The following MSI2 variants were observed in gnomAD, a reference collection of about 807,000 sequenced individuals.
MSI2 encodes the protein RNA-binding protein Musashi homolog 2.
In MSI2, 17 loss-of-function variants were observed where a neutral mutation model predicts 45.6. The observed-to-expected ratio is 0.37, with a 90% CI of 0.26 to 0.56. The LOEUF (loss-of-function observed/expected upper bound fraction) is 0.56. MSI2 is among the 20% of genes least tolerant of loss of function. MSI2 has a pLI of 0.77. For synonymous variants in MSI2, 156 were observed against 158.2 expected, an observed-to-expected ratio of 0.99 and a Z score of 0.11; for missense variants, 293 against 444.2, an observed-to-expected ratio of 0.66 and a Z score of 3.06.
At chr17:57,622,977 G>A (rs1313897290) in intron 9 of MSI2, among the ~76,000 whole-genome samples, 1 of 152,176 alleles carries the variant, frequency 6.6e-6, no homozygotes, top group Non-Finnish European at 1.5e-5. Context: ...GCCTGTGCAC[G>A]GTAGCTGCTG....
At chr17:57,699,184 T>A in the MSI2 span, among the ~76,000 whole-genome samples, 275 of 71,388 alleles carry the variant, frequency 3.9e-3, 2 homozygotes, top group East Asian at 0.02. Flanking sequence ...AGAGAGAGAG[T>A]GTGTGTGTGT....
At chr17:57,619,584 C>T (rs1033463020) in intron 9 of MSI2, among the ~76,000 whole-genome samples, 2 of 152,300 alleles carry the variant, frequency 1.3e-5, no homozygotes, top group African/African-American at 2.4e-5. Context: ...TGAGAGCCAA[C>T]GAGCCTGGCC....
At chr17:57,487,084 C>G (rs2085769014) in intron 6 of MSI2, among the ~76,000 whole-genome samples, 1 of 152,150 alleles carries the variant, frequency 6.6e-6, no homozygotes, top group Non-Finnish European at 1.5e-5. Context: ...CAGAGGCAGG[C>G]AATATGGCCC....
At chr17:57,302,566 A>T (rs1911501560) in intron 5 of MSI2, among the ~76,000 whole-genome samples, 1 of 152,188 alleles carries the variant, frequency 6.6e-6, no homozygotes, top group Non-Finnish European at 1.5e-5. Context: ...CACTTATTAA[A>T]TGACACAAAT....
At chr17:57,553,154 C>T (rs2087345401) in intron 7 of MSI2, among the ~76,000 whole-genome samples, 1 of 116,120 alleles carries the variant, frequency 8.6e-6, no homozygotes, top group Non-Finnish European at 1.9e-5. Context: ...AGAGCATGAG[C>T]CCCCCAAGGC....
chr17:57,286,910 A>C (rs1271281018), intron 5 of MSI2, among the ~76,000 whole-genome samples: 1 of 152,130 alleles, frequency 6.6e-6, no homozygotes, highest in African/African-American at 2.4e-5. Context: ...GGTAGGTTTA[A>C]GCTGATTGCC....
the MSI2 span, among the ~76,000 whole-genome samples, chr17:57,695,890 C>A: frequency 6.6e-6 from 1 of 152,194 alleles, no homozygotes; most frequent in African/African-American, 2.4e-5. Flanking sequence ...TTTCCTCACA[C>A]GGCCTCTCCT....
chr17:57,392,178 C>T (rs947377304), intron 5 of MSI2, among the ~76,000 whole-genome samples: 3 of 152,222 alleles, frequency 2.0e-5, no homozygotes, highest in Non-Finnish European at 4.4e-5. Context: ...CTACCTTTGT[C>T]GGTTACCTCC....
chr17:57,350,698 A>G (rs1915963771), intron 5 of MSI2, among the ~76,000 whole-genome samples: 1 of 152,144 alleles, frequency 6.6e-6, no homozygotes, highest in Non-Finnish European at 1.5e-5. Context: ...TGGCTTCAGC[A>G]TCACTTGGTC....
chr17:57,514,650 C>CTTTTT (rs11318524), intron 6 of MSI2, among the ~76,000 whole-genome samples: 1 of 135,324 alleles, frequency 7.4e-6, no homozygotes. Context: ...TGAATTGATA[C>CTTTTT]TTTTTTTTTT....
chr17:57,275,903 G>A (rs1164938152), intron 5 of MSI2, among the ~76,000 whole-genome samples: 1 of 152,220 alleles, frequency 6.6e-6, no homozygotes, highest in Non-Finnish European at 1.5e-5. Flanking sequence ...TGAGTTTGGA[G>A]TGGAGGGTCT....
At chr17:57,361,405 G>A (rs1374341499) in intron 5 of MSI2, among the ~76,000 whole-genome samples, 2 of 151,704 alleles carry the variant, frequency 1.3e-5, no homozygotes. Flanking sequence ...GTTCGAGACA[G>A]CCTGGATAAC....
chr17:57,409,818 C>T (rs1430181140), intron 6 of MSI2, among the ~76,000 whole-genome samples: 6 of 151,814 alleles, frequency 4.0e-5, no homozygotes. Context: ...ACCAGCCTGG[C>T]CAACATGGTG....
At chr17:57,635,655 C>G (rs1598479005) in intron 10 of MSI2, among the ~76,000 whole-genome samples, 1 of 152,090 alleles carries the variant, frequency 6.6e-6, no homozygotes, top group Non-Finnish European at 1.5e-5. Flanking sequence ...AGGGGCAGCA[C>G]AGCTCCCCAG....
chr17:57,472,733 T>A (rs2085462187), intron 6 of MSI2, among the ~76,000 whole-genome samples: 1 of 152,180 alleles, frequency 6.6e-6, no homozygotes, highest in Non-Finnish European at 1.5e-5. Context: ...GCGTGGATCC[T>A]GGTACGTCGT....
chr17:57,539,417 C>T lies in MSI2; in HGVS notation c.454+9693C>T, dbSNP rs559322280. On this transcript the variant is annotated intron_variant, in intron 7 of 13. Coordinates refer to ENST00000284073, the MANE Select transcript of MSI2 (RefSeq NM_138962.4). Reference sequence around the variant, plus strand: ...AAAGAAAGAAAATTTACCAGCCGGGCACAGTGGCTCACGGCTGTAATCCCA... The same window carrying T: ...AAAGAAAGAAAATTTACCAGCCGGGTACAGTGGCTCACGGCTGTAATCCCA... Among the ~76,000 whole-genome samples, 17 of 151,552 alleles carry T rather than the reference C, an allele frequency of 1.1e-4. No individual in the cohort carries two copies. In the East Asian group the frequency reaches 3.1e-3, roughly 28 times the overall value.
At chr17:57,651,957 T>C in intron 10 of MSI2, 142 bp from the exon 11 acceptor site, 1 of 712,684 alleles carries the variant, frequency 1.4e-6, no homozygotes, top group Non-Finnish European at 2.5e-6. Flanking sequence ...TCTGTGTCCC[T>C]CTCAAAAGCT....
intron 5 of MSI2, among the ~76,000 whole-genome samples, chr17:57,362,049 A>C (rs774817609): frequency 6.6e-6 from 1 of 152,248 alleles, no homozygotes; most frequent in Non-Finnish European, 1.5e-5. Context: ...ATAATTGGCT[A>C]TTAGGAAAGG....
rs186727524 is a variant in MSI2 at position 57,552,825 on chromosome 17, G to T, written c.454+23101G>T. Among the ~76,000 whole-genome samples, 3 of 152,256 alleles carry T rather than the reference G, an allele frequency of 2.0e-5. No homozygotes were observed. Among genetic ancestry groups the T allele is most frequent in the Non-Finnish European group, 2.9e-5 (2 of 68,022 alleles). On this transcript the variant is annotated intron_variant, in intron 7 of 13. Transcript: ENST00000284073. This position sits in a 1 kb window ranked among gnomAD's most constrained non-coding sequence, Gnocchi z 4.3. ...ATTATAAGACACCTCAGTATTTTTAGGAAATAAGTGGGGACATAAATATAA... is the reference window on the plus strand; with the variant it reads ...ATTATAAGACACCTCAGTATTTTTATGAAATAAGTGGGGACATAAATATAA...
Sources: gnomAD v4.1 joint callset for allele counts (sites outside exome capture counted in the v4.1 genomes callset) on GRCh38, gnomAD v4.1.1 for gene constraint, Gnocchi (gnomAD v3.1) non-coding constraint, MANE v1.5 for transcripts, NCBI Gene and HGNC (gene_info 2026-07-23, HGNC 2026-07-21) for gene names.